The following TPMT variants were observed in gnomAD, a reference collection of about 807,000 sequenced individuals.
TPMT encodes thiopurine S-methyltransferase.
In TPMT, 18 loss-of-function variants were observed where a neutral mutation model predicts 34.2. That is an observed-to-expected ratio of 0.53 (90% CI 0.36 to 0.78). The LOEUF (loss-of-function observed/expected upper bound fraction) is 0.78, where lower values mean the gene tolerates loss of function less well. Among genes scored for constraint, TPMT ranks in the 30% least tolerant of loss-of-function variants. TPMT has a pLI of 0.00. For missense variants in TPMT, 265 were observed against 288.1 expected (o/e 0.92, Z 0.58); for synonymous variants, 69 against 92.4 (o/e 0.75, Z 1.45).
chr6:18,151,961 T>C (rs1224986157), intron 1 of TPMT, among the ~76,000 whole-genome samples: 2 of 152,178 alleles, frequency 1.3e-5, no homozygotes, highest in Non-Finnish European at 2.9e-5. Flanking sequence ...GTGTATCATA[T>C]CTTCTCAGTC....
In TPMT at chr6:18,131,621, A is replaced by G. The variant is rs114611199; in HGVS notation, c.625+512T>C. 9.8e-3 allele frequency among the ~76,000 whole-genome samples: 1,491 copies of G among 152,286 alleles called. 10 individuals carry two copies. Among genetic ancestry groups the G allele is most frequent in the Middle Eastern group, 0.054 (16 of 294 alleles). ...AAAAAAAATATACCATCTCTCTAGA[A>G]AAGTTCAAATACCTTTAACATAGAG... On this transcript the variant is annotated intron_variant, in intron 8 of 8. Coordinates refer to ENST00000309983, the MANE Select transcript of TPMT (RefSeq NM_000367.5). The surrounding 1 kb of genome is among the most constrained non-coding windows in gnomAD (Gnocchi z 4.3).
chr6:18,133,553 C>T (rs958195370), intron 7 of TPMT, among the ~76,000 whole-genome samples: 10 of 152,138 alleles, frequency 6.6e-5, no homozygotes, highest in African/African-American at 2.2e-4. Flanking sequence ...TCCATTTCCC[C>T]GCTCTTCTCT....
At chr6:18,141,312 T>C (rs928217659) in intron 4 of TPMT, among the ~76,000 whole-genome samples, 4 of 151,674 alleles carry the variant, frequency 2.6e-5, no homozygotes, top group Non-Finnish European at 5.9e-5. Context: ...AAAAATACCA[T>C]CAAGCTTCCT....
At position 18,154,779 on chromosome 6, in the gene TPMT, A is replaced by AAAAAAG. The variant is rs1323721565; in HGVS notation, c.-45+248_-45+253dup. The stretch of plus-strand genomic sequence containing the variant: ...CAGAGGGAGACCCTGTCTCTAAAAG[A>AAAAAAG]AAAAAGAAAAAAAAATAATTAAAAC... On this transcript the variant is annotated intron_variant, in intron 1 of 8. Coordinates refer to ENST00000309983, the MANE Select transcript of TPMT (RefSeq NM_000367.5). The surrounding 1 kb of genome is among the most constrained non-coding windows in gnomAD (Gnocchi z 4.2). Among the ~76,000 whole-genome samples, 1 of 152,100 alleles carries AAAAAAG rather than the reference A, an allele frequency of 6.6e-6. No homozygotes were observed. The highest frequency in any genetic ancestry group is 1.5e-5 in the Non-Finnish European group (1 of 68,010).
chr6:18,155,107 CA>C (rs1199832603), upstream of TPMT: 1 of 151,592 alleles, frequency 6.6e-6, no homozygotes, highest in African/African-American at 2.4e-5. This position sits in a 1 kb window ranked among gnomAD's most constrained non-coding sequence, Gnocchi z 6.2. Context: ...CCTCCGCTTC[CA>C]CCTCCGCCAC....
Position 18,143,256 on chromosome 6 carries a change from G to A in TPMT, c.366+340C>T, listed in dbSNP as rs377391122. On this transcript the variant is annotated intron_variant, in intron 4 of 8. Transcript: ENST00000309983. This position sits in a 1 kb window ranked among gnomAD's most constrained non-coding sequence, Gnocchi z 6.1. ...AGAGATTCTTTAGGGGTGGGAGTGA[G>A]GGGGGTGTGCTGTGTTATCTTTATC... Among the ~76,000 whole-genome samples, 1 of 152,126 alleles carries A rather than the reference G, an allele frequency of 6.6e-6. No homozygotes were observed.
chr6:18,148,958 T>C lies in TPMT; in HGVS notation c.140+30A>G, dbSNP rs772597033. 2 of 1,612,338 alleles carry C rather than the reference T, an allele frequency of 1.2e-6. No homozygotes were observed. Among genetic ancestry groups the C allele is most frequent in the Admixed American group, 1.7e-5 (1 of 60,014 alleles). On this transcript the variant is annotated intron_variant, in intron 2 of 8. Coordinates refer to ENST00000309983, the MANE Select transcript of TPMT (RefSeq NM_000367.5). This position sits in a 1 kb window ranked among gnomAD's most constrained non-coding sequence, Gnocchi z 4.1. ...CTCAAAGTCACTTTTTGATAGAACA[T>C]TTCTCTATTGTATACCAAATATTTC...
rs1301975804 is a variant in TPMT at position 18,138,407 on chromosome 6, CAA to C, written c.494+554_494+555del. Among the ~76,000 whole-genome samples the C allele has an allele frequency of 6.6e-6, 1 of 151,986 alleles. No individual in the cohort carries two copies. Among genetic ancestry groups the C allele is most frequent in the Non-Finnish European group, 1.5e-5 (1 of 68,004 alleles). On this transcript the variant is annotated intron_variant, in intron 6 of 8. Coordinates refer to ENST00000309983, the MANE Select transcript of TPMT (RefSeq NM_000367.5). This position sits in a 1 kb window ranked among gnomAD's most constrained non-coding sequence, Gnocchi z 4.1. ...TCAGCCTCCCAAGTAGCTGGGACTA[CAA>C]GCACATACCACCACGGTCGGATAAT...
chr6:18,149,080 A>G lies in TPMT; in HGVS notation c.48T>C (p.Thr16=), dbSNP rs773433252. 6 of 1,613,988 alleles carry G rather than the reference A, an allele frequency of 3.7e-6. No homozygotes were observed. The African/African-American group carries it at 8.0e-5, about 22-fold the overall frequency. ...TSLDIEEYSD[T]EVQKNQVLTL... Reference sequence around the variant, plus strand: ...TTAGTACTTGGTTTTTCTGTACCTCAGTATCCGAGTACTCTTCAATGTCAA... The same window carrying G: ...TTAGTACTTGGTTTTTCTGTACCTCGGTATCCGAGTACTCTTCAATGTCAA... Residue 16 remains threonine, a synonymous_variant, in exon 2 of 9, where the codon ACT becomes ACC. Coordinates refer to ENST00000309983, the MANE Select transcript of TPMT (RefSeq NM_000367.5). This position sits in a 1 kb window ranked among gnomAD's most constrained non-coding sequence, Gnocchi z 5.0.
At position 18,133,645 on chromosome 6, in the gene TPMT, T is replaced by C. The variant is rs558743019; in HGVS notation, c.580+159A>G. On this transcript the variant is annotated intron_variant, in intron 7 of 8. Coordinates refer to ENST00000309983, the MANE Select transcript of TPMT (RefSeq NM_000367.5). The stretch of plus-strand genomic sequence containing the variant: ...AATATAGAAGAGAAAAACATGCTTA[T>C]AGTTCCCATTAGTCAAAACTGGAAT... The C allele has an allele frequency of 2.1e-5, 13 of 629,066 alleles. 1 individual carries two copies. The highest frequency in any genetic ancestry group is 1.7e-4 in the East Asian group (6 of 35,760). The allele number at this position is 629,066 out of a possible 1,614,324, so 39.0% of individuals were successfully genotyped here.
At position 18,128,758 on chromosome 6, in the gene TPMT, TG is replaced by T. The variant is rs1301172602; in HGVS notation, c.*1909del. 1.3e-5 allele frequency: 2 copies of T among 152,460 alleles called. No homozygotes were observed. The highest frequency in any genetic ancestry group is 3.8e-4 in the East Asian group (2 of 5,202). The allele number at this position is 152,460 out of a possible 1,614,324, so 9.4% of individuals were successfully genotyped here. Reference sequence around the variant, plus strand: ...CTTTTGAGACAGAGTCTTGCTCTGTTGCCCAGGCTTGCGTGCAGTGGCATGA... The same window carrying T: ...CTTTTGAGACAGAGTCTTGCTCTGTTCCCAGGCTTGCGTGCAGTGGCATGA... On this transcript the variant is annotated 3_prime_UTR_variant, in exon 9 of 9. Coordinates refer to ENST00000309983, the MANE Select transcript of TPMT (RefSeq NM_000367.5). This position sits in a 1 kb window ranked among gnomAD's most constrained non-coding sequence, Gnocchi z 4.6.
In TPMT at chr6:18,149,201, T is replaced by G; in HGVS notation, c.-44-30A>C. On this transcript the variant is annotated intron_variant, in intron 1 of 8. Coordinates refer to ENST00000309983, the MANE Select transcript of TPMT (RefSeq NM_000367.5). This position sits in a 1 kb window ranked among gnomAD's most constrained non-coding sequence, Gnocchi z 5.0. ...GTGGAAAATATTTGCAATGTTGTCA[T>G]TTAAGGTCATTGGAATTCTATTGAT... 1 of 1,578,952 alleles carries G rather than the reference T, an allele frequency of 6.3e-7. No homozygotes were observed. Among genetic ancestry groups the G allele is most frequent in the Non-Finnish European group, 8.7e-7 (1 of 1,150,798 alleles).
rs1385426820 is a variant in TPMT, at chr6:18,130,769, T to C, written c.637A>G (p.Asn213Asp). The C allele has an allele frequency of 1.9e-6, 3 of 1,612,312 alleles. No individual in the cohort carries two copies. In the African/African-American group the frequency reaches 4.0e-5, roughly 22 times the overall value. The change falls in exon 9 of 9, where the codon AAT becomes GAT. Residue 213 changes from asparagine (N) to aspartate (D), a missense_variant. By Grantham distance (23) the Asn-to-Asp change is conservative. Transcript: ENST00000309983. The surrounding 1 kb of genome is among the most constrained non-coding windows in gnomAD (Gnocchi z 4.2). ...TCAACCTTCTCAAGACAACGTATAT[T>C]GCATATTTTACCTGAAACAAGAAAG... ...EIERLFGKIC[N>D]IRCLEKVDAF...
In TPMT at chr6:18,147,815, G is replaced by A. The variant is rs1050912916; in HGVS notation, c.233+8C>T. 1 of 1,610,964 alleles carries A rather than the reference G, an allele frequency of 6.2e-7. No homozygotes were observed. Among genetic ancestry groups the A allele is most frequent in the African/African-American group, 1.3e-5 (1 of 74,790 alleles). Reference sequence around the variant, plus strand: ...AAGATAATTCTGTTAATGTTTATCTGCTCATACCATTTCATCTCAACCGCT... The same window carrying A: ...AAGATAATTCTGTTAATGTTTATCTACTCATACCATTTCATCTCAACCGCT... On this transcript the variant is annotated splice_region_variant and intron_variant, in intron 3 of 8. Coordinates refer to ENST00000309983, the MANE Select transcript of TPMT (RefSeq NM_000367.5).
In TPMT at chr6:18,142,763, C is replaced by T. The variant is rs142362451; in HGVS notation, c.366+833G>A. Among the ~76,000 whole-genome samples the T allele has an allele frequency of 1.8e-4, 27 of 152,248 alleles. No homozygotes were observed. In the East Asian group the frequency reaches 5.2e-3, roughly 29 times the overall value. On this transcript the variant is annotated intron_variant, in intron 4 of 8. Transcript: ENST00000309983. ...ATCTCTAGAAAAAGATTCATTCTTT[C>T]TGCCCTTCTCATTTATTCTTGACCA...
At chr6:18,137,815 C>T (rs187210930) in intron 6 of TPMT, among the ~76,000 whole-genome samples, 13 of 152,192 alleles carry the variant, frequency 8.5e-5, no homozygotes, top group African/African-American at 2.9e-4. Flanking sequence ...AATGGAGGGT[C>T]GCTCTTGTCG....
chr6:18,130,558 T>A lies in TPMT; in HGVS notation c.*110A>T. The A allele has an allele frequency of 1.3e-6, 1 of 775,320 alleles. No homozygotes were observed. Among genetic ancestry groups the A allele is most frequent in the Non-Finnish European group, 2.2e-6 (1 of 461,934 alleles). The allele number at this position is 775,320 out of a possible 1,614,324, so 48.0% of individuals were successfully genotyped here. A position where few individuals can be genotyped will look rare whatever the true frequency, so the allele number is the denominator to read the frequency against. On this transcript the variant is annotated 3_prime_UTR_variant, in exon 9 of 9. Transcript: ENST00000309983. The surrounding 1 kb of genome is among the most constrained non-coding windows in gnomAD (Gnocchi z 4.2). ...AGCCATTTTTAGTAAAGATCTATCA[T>A]ATGATTTATAAACAATTTTAAAAAT... is the stretch of plus-strand genomic sequence containing the variant.
At chr6:18,142,631 T>C (rs1334879979) in intron 4 of TPMT, among the ~76,000 whole-genome samples, 1 of 152,136 alleles carries the variant, frequency 6.6e-6, no homozygotes, top group Non-Finnish European at 1.5e-5. Context: ...TGGCTCATTC[T>C]GCTCACAGCA....
chr6:18,136,811 G>A lies in TPMT; in HGVS notation c.494+2152C>T, dbSNP rs528716919. Among the ~76,000 whole-genome samples the A allele has an allele frequency of 2.3e-3, 356 of 151,746 alleles. 1 individual carries two copies. The highest frequency in any genetic ancestry group is 2.7e-3 in the Non-Finnish European group (185 of 67,882). On this transcript the variant is annotated intron_variant, in intron 6 of 8. Transcript: ENST00000309983. The surrounding 1 kb of genome is among the most constrained non-coding windows in gnomAD (Gnocchi z 4.7). ...GGCAACAAGAGCGAAACTCTGTCTC[G>A]AAAAAAAAGATTTGATTTTTCTCTC...
Sources: allele counts gnomAD v4.1 joint callset (sites outside exome capture counted in the v4.1 genomes callset), GRCh38; gene constraint gnomAD v4.1.1; non-coding constraint Gnocchi (gnomAD v3.1); transcripts MANE v1.5; gene names NCBI Gene and HGNC (gene_info 2026-07-23, HGNC 2026-07-21).